The following CIT variants were observed in gnomAD, a reference collection of about 807,000 sequenced individuals.
The protein encoded by CIT is citron rho-interacting serine/threonine kinase, also known as citron Rho-interacting kinase.
In CIT, 79 loss-of-function variants were observed where a neutral mutation model predicts 272.7. The observed-to-expected ratio is 0.29, with a 90% CI of 0.24 to 0.35. The LOEUF (loss-of-function observed/expected upper bound fraction) is 0.35. CIT is among the 10% of genes least tolerant of loss of function. The probability of loss-of-function intolerance (pLI) is 1.00; values close to 1 mark genes in which losing one functional copy is unlikely to be tolerated. For missense variants in CIT, 1,909 were observed against 2,618.3 expected (o/e 0.73, Z 5.91); for synonymous variants, 948 against 995.6 (o/e 0.95, Z 0.90).
chr12:119,765,625 C>A (rs1334101700), intron 19 of CIT, among the ~76,000 whole-genome samples: 1 of 151,418 alleles, frequency 6.6e-6, no homozygotes, highest in South Asian at 2.1e-4. Flanking sequence ...TGCGTGCCAC[C>A]ACACCCAGCT....
chr12:119,726,267 A>C (rs1157230701), intron 28 of CIT, among the ~76,000 whole-genome samples: 1 of 151,818 alleles, frequency 6.6e-6, no homozygotes, highest in Middle Eastern at 3.2e-3. Flanking sequence ...CACCCAGGCT[A>C]CAGTGCAGTG....
At position 119,701,858 on chromosome 12, in the gene CIT, G is replaced by A. The variant is rs180716474; in HGVS notation, c.5405C>T (p.Thr1802Met). The change falls in exon 42 of 48, where the codon ACG becomes ATG. Residue 1802 changes from threonine to methionine, a missense_variant. Coordinates refer to ENST00000392521, the MANE Select transcript of CIT (RefSeq NM_001206999.2). The stretch of plus-strand genomic sequence containing the variant: ...GTGGAGGTGGGTCCTACCCTCGAGC[G>A]TGTACTGCTTCATGTCGATTTCGTA... Reference protein sequence around the residue: ...KFYEIDMKQYTLEEFLDKNDH... With the variant: ...KFYEIDMKQYMLEEFLDKNDH... 119 of 1,613,974 alleles carry A rather than the reference G, an allele frequency of 7.4e-5. No homozygotes were observed. The African/African-American group carries it at 8.8e-4, about 12-fold the overall frequency.
chr12:119,702,000 C>G, intron 41 of CIT, 42 bp from the exon 42 acceptor site: 1 of 1,479,262 alleles, frequency 6.8e-7, no homozygotes, highest in Non-Finnish European at 9.4e-7. Context: ...AGAGGTAACA[C>G]AGGGCAGCCA....
intron 3 of CIT, among the ~76,000 whole-genome samples, chr12:119,866,496 G>C (rs1723437826): frequency 6.6e-6 from 1 of 151,996 alleles, no homozygotes; most frequent in Admixed American, 6.6e-5. Flanking sequence ...GGGCTTTGTA[G>C]GCCATTTGGT....
At chr12:119,695,666 C>T (rs1167719784) in intron 46 of CIT, among the ~76,000 whole-genome samples, 2 of 152,082 alleles carry the variant, frequency 1.3e-5, no homozygotes, top group African/African-American at 4.8e-5. Flanking sequence ...TGTGGTGGCA[C>T]ACACCTGTAA....
intron 40 of CIT, among the ~76,000 whole-genome samples, chr12:119,706,223 T>G (rs898420253): frequency 2.6e-5 from 4 of 152,128 alleles, no homozygotes; most frequent in African/African-American, 9.7e-5. Flanking sequence ...AAACACCTGA[T>G]TCAGACTTAA....
intron 2 of CIT, among the ~76,000 whole-genome samples, chr12:119,873,543 T>C (rs191459371): frequency 1.8e-4 from 28 of 151,982 alleles, no homozygotes; most frequent in Admixed American, 5.9e-4. Context: ...GCCTCCCAAA[T>C]TGCTAGGATT....
Position 119,752,118 on chromosome 12 carries a change from G to C in CIT, c.2836C>G (p.Leu946Val). ...TCCAGCTCTGTCTTCGCCTGGCGAA[G>C]CTGGCTCTCCAGGGCCGCCCGTGCA... The part of the protein sequence containing the change: ...QAARAALESQ[L>V]RQAKTELEET... Residue 946 changes from leucine (L) to valine (V), a missense_variant, in exon 23 of 48, where the codon CTT (leucine) becomes GTT (valine). Physicochemically the swap from Leu to Val is conservative, Grantham distance 32. This residue lies in a region of CIT where 530 missense variants were observed against 822.4 expected (regional missense o/e 0.64). Transcript: ENST00000392521. 1 of 1,612,952 alleles carries C rather than the reference G, an allele frequency of 6.2e-7. No homozygotes were observed.
At chr12:119,810,005 T>C (rs1966807510) in intron 9 of CIT, among the ~76,000 whole-genome samples, 1 of 152,242 alleles carries the variant, frequency 6.6e-6, no homozygotes, top group African/African-American at 2.4e-5. Flanking sequence ...CATTTCTTCA[T>C]CTTTATCCTT....
At chr12:119,692,580 A>G (rs1190668489) in intron 46 of CIT, among the ~76,000 whole-genome samples, 1 of 152,256 alleles carries the variant, frequency 6.6e-6, no homozygotes, top group East Asian at 1.9e-4. Flanking sequence ...AGCCATGCCC[A>G]TCTGGTTATG....
At chr12:119,871,569 C>T (rs1950679590) in intron 2 of CIT, among the ~76,000 whole-genome samples, 1 of 151,894 alleles carries the variant, frequency 6.6e-6, no homozygotes, top group Admixed American at 6.6e-5. Context: ...TAACAAGTTC[C>T]CCAGCAGGGA....
intron 7 of CIT, among the ~76,000 whole-genome samples, chr12:119,825,692 G>T (rs931438050): frequency 8.5e-5 from 13 of 152,202 alleles, no homozygotes; most frequent in African/African-American, 2.7e-4. Flanking sequence ...TTATTGACAT[G>T]ATGGAACTTC....
chr12:119,776,985 T>C (rs1449956227), intron 13 of CIT, 143 bp from the exon 14 acceptor site: 3 of 874,568 alleles, frequency 3.4e-6, no homozygotes, highest in Admixed American at 4.9e-5. Context: ...CCAGGTGCAG[T>C]GGCTCACGCC....
chr12:119,721,873 G>A (rs1957828079), intron 28 of CIT, among the ~76,000 whole-genome samples: 2 of 152,148 alleles, frequency 1.3e-5, no homozygotes, highest in Non-Finnish European at 1.5e-5. Flanking sequence ...TTGTTGCTAT[G>A]AGAAATTACT....
Position 119,716,379 on chromosome 12 carries a change from A to C in CIT, c.4168+1866T>G, listed in dbSNP as rs1448381895. Among the ~76,000 whole-genome samples, 5 of 27,086 alleles carry C rather than the reference A, an allele frequency of 1.8e-4. No individual in the cohort carries two copies. In the South Asian group the frequency reaches 7.8e-3, roughly 42 times the overall value. 17.8% of individuals were successfully genotyped at this position (27,086 alleles called of 152,430 possible). ...GGGCGACAGAGCGAGACTCTGTCTC[A>C]AAAAAAAAAAAAAAAAAAAAAAAAA... is the stretch of plus-strand genomic sequence containing the variant. On this transcript the variant is annotated intron_variant, in intron 32 of 47. Coordinates refer to ENST00000392521, the MANE Select transcript of CIT (RefSeq NM_001206999.2).
At chr12:119,751,674 T>C (rs1332262962) in intron 23 of CIT, among the ~76,000 whole-genome samples, 2 of 146,264 alleles carry the variant, frequency 1.4e-5, no homozygotes, top group African/African-American at 5.0e-5. Flanking sequence ...GTAGAAAAAC[T>C]ACTATAAGAT....
intron 2 of CIT, among the ~76,000 whole-genome samples, chr12:119,874,514 T>C (rs1216145871): frequency 6.6e-6 from 1 of 152,198 alleles, no homozygotes; most frequent in African/African-American, 2.4e-5. Flanking sequence ...GGATTTCTAC[T>C]TCACCAGTGT....
rs869298625 is a variant in CIT, at chr12:119,849,680, TTTTTTTTTC to T, written c.516+485_516+493del. ...ATCCAACTGTCAATGAGGCTGTTTC[TTTTTTTTTC>T]TTTTTTTTTTTTTTGAGATAGAGTC... is the stretch of plus-strand genomic sequence containing the variant. On this transcript the variant is annotated intron_variant, in intron 5 of 47. Transcript: ENST00000392521. Among the ~76,000 whole-genome samples, 486 of 69,516 alleles carry T rather than the reference TTTTTTTTTC, an allele frequency of 7.0e-3. 4 individuals carry two copies. Among genetic ancestry groups the T allele is most frequent in the Admixed American group, 0.018 (94 of 5,278 alleles). 45.6% of individuals were successfully genotyped at this position (69,516 alleles called of 152,430 possible).
intron 20 of CIT, among the ~76,000 whole-genome samples, chr12:119,760,421 G>A (rs944330018): frequency 2.0e-5 from 3 of 152,026 alleles, no homozygotes; most frequent in African/African-American, 7.2e-5. Context: ...GAGGCCAGAA[G>A]TTTGAGACCA....
Sources: allele counts gnomAD v4.1 joint callset (sites outside exome capture counted in the v4.1 genomes callset), GRCh38; gene constraint gnomAD v4.1.1; regional missense constraint gnomAD v4.1.1; transcripts MANE v1.5; gene names NCBI Gene and HGNC (gene_info 2026-07-23, HGNC 2026-07-21).